AGTPBP1: variants seen among roughly 807,000 people sequenced by gnomAD.
The protein encoded by AGTPBP1 is ATP/GTP binding carboxypeptidase 1.
A neutral mutation model predicts 143.9 loss-of-function variants in AGTPBP1; 70 were observed. The observed-to-expected ratio is 0.49, with a 90% CI of 0.40 to 0.59. The LOEUF is 0.59. Among genes scored for constraint, AGTPBP1 ranks in the 20% least tolerant of loss-of-function variants. The pLI, the probability that AGTPBP1 is intolerant of heterozygous loss-of-function variation, is 0.00. For synonymous variants in AGTPBP1, 463 were observed against 500.2 expected (o/e 0.93, Z 0.99); for missense variants, 1,229 against 1,464.5 (o/e 0.84, Z 2.62).
intron 13 of AGTPBP1, among the ~76,000 whole-genome samples, chr9:85,640,554 T>G (rs1291043143): frequency 6.6e-6 from 1 of 152,242 alleles, no homozygotes; most frequent in Non-Finnish European, 1.5e-5. Flanking sequence ...GTCTTTACAA[T>G]CTGACCCTGG....
At chr9:85,740,845 G>T (rs1824209161) in intron 1 of AGTPBP1, among the ~76,000 whole-genome samples, 1 of 152,162 alleles carries the variant, frequency 6.6e-6, no homozygotes, top group Non-Finnish European at 1.5e-5. Context: ...GAAAATTTCC[G>T]CTATCTTCAG....
intron 14 of AGTPBP1, among the ~76,000 whole-genome samples, chr9:85,622,756 G>A (rs865917255): frequency 1.3e-5 from 2 of 151,986 alleles, no homozygotes; most frequent in Non-Finnish European, 2.9e-5. Flanking sequence ...AAAAGCTATC[G>A]ATTATAGTAA....
chr9:85,631,715 A>G (rs1425740501), intron 14 of AGTPBP1, among the ~76,000 whole-genome samples: 1 of 152,244 alleles, frequency 6.6e-6, no homozygotes, highest in Non-Finnish European at 1.5e-5. Flanking sequence ...AAGAGAATCA[A>G]ATACAGCAAG....
intron 19 of AGTPBP1, among the ~76,000 whole-genome samples, chr9:85,591,143 GATAA>G (rs959364332): frequency 2.1e-4 from 30 of 142,472 alleles, no homozygotes; most frequent in Admixed American, 9.1e-4. Context: ...TCTATTTAAA[GATAA>G]ATAAATAATA....
intron 2 of AGTPBP1, among the ~76,000 whole-genome samples, chr9:85,712,068 A>T (rs1564172247): frequency 6.6e-6 from 1 of 151,966 alleles, no homozygotes; most frequent in Non-Finnish European, 1.5e-5. Flanking sequence ...GTTCGAGACC[A>T]GCCTGGACAA....
chr9:85,674,006 C>G (rs2134093821), intron 6 of AGTPBP1, among the ~76,000 whole-genome samples: 1 of 151,408 alleles, frequency 6.6e-6, no homozygotes, highest in Non-Finnish European at 1.5e-5. Flanking sequence ...GCCTGCAGTC[C>G]CAACTACTCT....
chr9:85,669,991 T>C (rs896597075), intron 7 of AGTPBP1, among the ~76,000 whole-genome samples: 1 of 152,100 alleles, frequency 6.6e-6, no homozygotes, highest in African/African-American at 2.4e-5. Context: ...ACTTTCAAAA[T>C]AGATCAAGAG....
chr9:85,700,883 A>C (rs1053676320), intron 2 of AGTPBP1, among the ~76,000 whole-genome samples: 1 of 152,142 alleles, frequency 6.6e-6, no homozygotes, highest in African/African-American at 2.4e-5. Flanking sequence ...CTATGTCTAA[A>C]CTAATACATA....
At chr9:85,725,905 C>T (rs1175024402) in intron 1 of AGTPBP1, among the ~76,000 whole-genome samples, 2 of 151,638 alleles carry the variant, frequency 1.3e-5, no homozygotes, top group Admixed American at 1.3e-4. Flanking sequence ...AAAAAATAGC[C>T]AGGCGTGGTG....
chr9:85,596,244 GCAC>G, intron 18 of AGTPBP1, 115 bp downstream of exon 18: 2 of 668,336 alleles, frequency 3.0e-6, no homozygotes, highest in Non-Finnish European at 4.8e-6. Flanking sequence ...CTAAAGCATA[GCAC>G]CACAATTCAA....
At chr9:85,653,447 G>A (rs1833297281) in intron 11 of AGTPBP1, among the ~76,000 whole-genome samples, 1 of 152,092 alleles carries the variant, frequency 6.6e-6, no homozygotes, top group African/African-American at 2.4e-5. Context: ...TCCCGTGTTT[G>A]GTGAATTTAC....
intron 2 of AGTPBP1, among the ~76,000 whole-genome samples, chr9:85,696,164 T>C (rs1307685079): frequency 6.6e-6 from 1 of 152,092 alleles, no homozygotes; most frequent in African/African-American, 2.4e-5. Flanking sequence ...TCTCTTTTCA[T>C]GGAGATAAGC....
intron 2 of AGTPBP1, among the ~76,000 whole-genome samples, chr9:85,697,265 C>T (rs1400497923): frequency 1.3e-5 from 2 of 152,000 alleles, no homozygotes; most frequent in African/African-American, 4.8e-5. Context: ...TTAAGCCAGA[C>T]ATTAATAAGA....
rs371752262 is a variant in AGTPBP1 at position 85,614,813 on chromosome 9, T to C, written c.2335+4170A>G. Reference sequence around the variant, plus strand: ...GCAGTGTTTCAAACCAATGGGGACATGTGTCTAAGAGGTCAAAATAATTGA... The same window carrying C: ...GCAGTGTTTCAAACCAATGGGGACACGTGTCTAAGAGGTCAAAATAATTGA... On this transcript the variant is annotated intron_variant, in intron 17 of 25. Transcript: ENST00000357081. 9.2e-5 allele frequency among the ~76,000 whole-genome samples: 14 copies of C among 152,176 alleles called. No individual in the cohort carries two copies. The East Asian group carries it at 1.2e-3, about 13-fold the overall frequency.
chr9:85,651,723 A>C (rs976505690), intron 11 of AGTPBP1, among the ~76,000 whole-genome samples: 5 of 152,192 alleles, frequency 3.3e-5, no homozygotes, highest in Non-Finnish European at 7.3e-5. Flanking sequence ...GACAACTAAT[A>C]AAGGTCCAGA....
chr9:85,713,531 C>CA (rs1837515786), intron 1 of AGTPBP1, among the ~76,000 whole-genome samples: 2 of 151,928 alleles, frequency 1.3e-5, no homozygotes, highest in African/African-American at 4.8e-5. Flanking sequence ...AACTCCATCT[C>CA]AAAAAAACAA....
chr9:85,765,027 G>A, the AGTPBP1 span: 1 of 608,744 alleles, frequency 1.6e-6, no homozygotes, highest in East Asian at 2.9e-5. Flanking sequence ...TGGTAAACTT[G>A]GTTCCTTGAG....
the AGTPBP1 span, among the ~76,000 whole-genome samples, chr9:85,753,087 C>T: frequency 1.3e-5 from 2 of 152,070 alleles, no homozygotes; most frequent in Non-Finnish European, 2.9e-5. Context: ...GTCATCTACT[C>T]ATTTTCTCTT....
chr9:85,581,270 C>T lies in AGTPBP1; in HGVS notation c.3166-2174G>A, dbSNP rs561770173. On this transcript the variant is annotated intron_variant, in intron 23 of 25. Transcript: ENST00000357081. ...AGGCACTGTGACAAAATGGAAAGCA[C>T]GCAGGACTTAAAGCAACACAGCTCA... is the stretch of plus-strand genomic sequence containing the variant. Among the ~76,000 whole-genome samples, 8 of 152,268 alleles carry T rather than the reference C, an allele frequency of 5.3e-5. 1 individual carries two copies. In the South Asian group the frequency reaches 1.2e-3, roughly 24 times the overall value.
Sources: allele counts gnomAD v4.1 joint callset (sites outside exome capture counted in the v4.1 genomes callset), GRCh38; gene constraint gnomAD v4.1.1; transcripts MANE v1.5; gene names NCBI Gene and HGNC (gene_info 2026-07-23, HGNC 2026-07-21).